Variants in RPRM observed in about 807,000 individuals in gnomAD.
RPRM encodes the protein reprimo, TP53 dependent G2 arrest mediator homolog.
RPRM carries 3 observed loss-of-function variants against 5.2 expected under a neutral mutation model. That is an observed-to-expected ratio of 0.58 (90% confidence interval 0.26 to 1.50). The LOEUF (loss-of-function observed/expected upper bound fraction) is 1.50. Among genes scored for constraint, RPRM ranks in the 40% most tolerant of loss-of-function variants. The pLI, the probability that RPRM is intolerant of heterozygous loss-of-function variation, is 0.13. For missense variants in RPRM, 135 were observed against 154.5 expected, an observed-to-expected ratio of 0.87 and a Z score of 0.67; for synonymous variants, 70 against 69.9, an observed-to-expected ratio of 1.00 and a Z score of -0.01.
chr2:153,478,067 C>CT lies in RPRM; in HGVS notation c.*168dup. 1 of 624,190 alleles carries CT rather than the reference C, an allele frequency of 1.6e-6. No homozygotes were observed. The highest frequency in any genetic ancestry group is 2.8e-6 in the Non-Finnish European group (1 of 360,432). 38.7% of individuals were successfully genotyped at this position (624,190 alleles called of 1,614,324 possible). A position where few individuals can be genotyped will look rare whatever the true frequency, so the allele number is the denominator to read the frequency against. The stretch of plus-strand genomic sequence containing the variant: ...CTCCTCCGACTGCCAGGCATGAGGA[C>CT]TTTCAGAGGGCGAGGGAGAAACCGG... On this transcript the variant is annotated 3_prime_UTR_variant, in exon 1 of 1. Transcript: ENST00000325926.
chr2:153,478,526 G>A lies in RPRM; in HGVS notation c.40C>T (p.Leu14=), dbSNP rs1047530367. ...GCCTCGCTGCTGTTGGCCAGGAACA[G>A]GCCCGCCACGTCCGTCTGGTTGCCT... The part of the protein sequence containing the change: ...ALGNQTDVAG[L]FLANSSEALE... The change falls in exon 1 of 1, where the codon CTG becomes TTG. Residue 14 remains leucine (L), a synonymous_variant. Coordinates refer to ENST00000325926, the MANE Select transcript of RPRM (RefSeq NM_019845.3). 3 of 1,603,630 alleles carry A rather than the reference G, an allele frequency of 1.9e-6. No individual in the cohort carries two copies. The highest frequency in any genetic ancestry group is 2.7e-5 in the African/African-American group (2 of 74,730).
Position 153,478,464 on chromosome 2 carries a change from G to C in RPRM, c.102C>G (p.Ser34=). ...ERAVRCCTQA[S]VVTDDGFAEG... ...CCGCGAAGCCGTCGTCGGTCACCAC[G>C]GACGCCTGGGTGCAGCAGCGCACGG... is the stretch of plus-strand genomic sequence containing the variant. The change falls in exon 1 of 1, where the codon TCC becomes TCG. Residue 34 remains serine, a synonymous_variant. Coordinates refer to ENST00000325926, the MANE Select transcript of RPRM (RefSeq NM_019845.3). The C allele has an allele frequency of 1.9e-6, 3 of 1,613,580 alleles. No individual in the cohort carries two copies. The highest frequency in any genetic ancestry group is 2.2e-5 in the South Asian group (2 of 91,078).
Position 153,478,618 on chromosome 2 carries a change from G to A in RPRM, c.-53C>T. 1 of 1,415,406 alleles carries A rather than the reference G, an allele frequency of 7.1e-7. No homozygotes were observed. Among genetic ancestry groups the A allele is most frequent in the Non-Finnish European group, 9.4e-7 (1 of 1,059,442 alleles). 87.7% of individuals were successfully genotyped at this position (1,415,406 alleles called of 1,614,324 possible). ...GCGCGGGTCCGAGGGGTGGGAAGGCGGCGGCGCTGGAGGAACAGGTGCCGG... is the reference window on the plus strand; with the variant it reads ...GCGCGGGTCCGAGGGGTGGGAAGGCAGCGGCGCTGGAGGAACAGGTGCCGG... On this transcript the variant is annotated 5_prime_UTR_variant, in exon 1 of 1. Coordinates refer to ENST00000325926, the MANE Select transcript of RPRM (RefSeq NM_019845.3).
chr2:153,478,528 C>G lies in RPRM; in HGVS notation c.38G>C (p.Gly13Ala), dbSNP rs773687192. The G allele has an allele frequency of 2.5e-6, 4 of 1,604,618 alleles. No homozygotes were observed. The Admixed American group carries it at 6.7e-5, about 27-fold the overall frequency. ...PALGNQTDVA[G>A]LFLANSSEAL... ...CTCGCTGCTGTTGGCCAGGAACAGG[C>G]CCGCCACGTCCGTCTGGTTGCCTAG... Residue 13 changes from glycine (G) to alanine (A), a missense_variant, in exon 1 of 1, where the codon GGC becomes GCC. Gly to Ala is a moderately conservative substitution (Grantham distance 60). Coordinates refer to ENST00000325926, the MANE Select transcript of RPRM (RefSeq NM_019845.3).
chr2:153,478,073 G>C lies in RPRM; in HGVS notation c.*163C>G. 1.6e-6 allele frequency: 1 copy of C among 630,538 alleles called. No homozygotes were observed. Among genetic ancestry groups the C allele is most frequent in the South Asian group, 2.0e-5 (1 of 49,922 alleles). The allele number at this position is 630,538 out of a possible 1,614,324, so 39.1% of individuals were successfully genotyped here. The stretch of plus-strand genomic sequence containing the variant: ...CGACTGCCAGGCATGAGGACTTTCA[G>C]AGGGCGAGGGAGAAACCGGTCGCTT... On this transcript the variant is annotated 3_prime_UTR_variant, in exon 1 of 1. Coordinates refer to ENST00000325926, the MANE Select transcript of RPRM (RefSeq NM_019845.3).
rs1684192241 is a variant in RPRM, at chr2:153,478,463, C to A, written c.103G>T (p.Val35Leu). 6.2e-7 allele frequency: 1 copy of A among 1,613,552 alleles called. No homozygotes were observed. Among genetic ancestry groups the A allele is most frequent in the Non-Finnish European group, 8.5e-7 (1 of 1,179,970 alleles). ...TCCGCGAAGCCGTCGTCGGTCACCACGGACGCCTGGGTGCAGCAGCGCACG... is the reference window on the plus strand; with the variant it reads ...TCCGCGAAGCCGTCGTCGGTCACCAAGGACGCCTGGGTGCAGCAGCGCACG... ...RAVRCCTQASVVTDDGFAEGG... is the reference protein window; with the variant it reads ...RAVRCCTQASLVTDDGFAEGG... The change falls in exon 1 of 1, where the codon GTG (valine) becomes TTG (leucine). Residue 35 changes from valine to leucine, a missense_variant. Val to Leu is a conservative substitution (Grantham distance 32). Transcript: ENST00000325926.
In RPRM at chr2:153,478,120, A is replaced by C; in HGVS notation, c.*116T>G. Reference sequence around the variant, plus strand: ...GCTTCTTTCCGAAAGGCCGAAGTCGAGAGAAATAATTGACTCCGACAGGTT... The same window carrying C: ...GCTTCTTTCCGAAAGGCCGAAGTCGCGAGAAATAATTGACTCCGACAGGTT... On this transcript the variant is annotated 3_prime_UTR_variant, in exon 1 of 1. Coordinates refer to ENST00000325926, the MANE Select transcript of RPRM (RefSeq NM_019845.3). 2 of 778,582 alleles carry C rather than the reference A, an allele frequency of 2.6e-6. No homozygotes were observed. Among genetic ancestry groups the C allele is most frequent in the Non-Finnish European group, 2.0e-6 (1 of 496,502 alleles). 48.2% of individuals were successfully genotyped at this position (778,582 alleles called of 1,614,324 possible). A position where few individuals can be genotyped will look rare whatever the true frequency, so the allele number is the denominator to read the frequency against.
chr2:153,477,952 C>G lies in RPRM; in HGVS notation c.*284G>C. 1.1e-5 allele frequency: 5 copies of G among 461,506 alleles called. No homozygotes were observed. In the South Asian group the frequency reaches 1.3e-4, roughly 12 times the overall value. 28.6% of individuals were successfully genotyped at this position (461,506 alleles called of 1,614,324 possible). ...AAGGGCCTTCGCACCGTCGGTCTCC[C>G]CGCATTCCAAGTAAGTAGCAGCTTC... On this transcript the variant is annotated 3_prime_UTR_variant, in exon 1 of 1. Coordinates refer to ENST00000325926, the MANE Select transcript of RPRM (RefSeq NM_019845.3).
Position 153,478,539 on chromosome 2 carries a change from C to T in RPRM, c.27G>A (p.Thr9=), listed in dbSNP as rs1289032063. 1 of 1,602,804 alleles carries T rather than the reference C, an allele frequency of 6.2e-7. No homozygotes were observed. The highest frequency in any genetic ancestry group is 8.5e-7 in the Non-Finnish European group (1 of 1,172,848). Residue 9 remains threonine (T), a synonymous_variant, in exon 1 of 1, where the codon ACG becomes ACA. Transcript: ENST00000325926. MNPALGNQ[T]DVAGLFLANS... ...TGGCCAGGAACAGGCCCGCCACGTC[C>T]GTCTGGTTGCCTAGGGCCGGATTCA...
chr2:153,478,062 G>T lies in RPRM; in HGVS notation c.*174C>A. On this transcript the variant is annotated 3_prime_UTR_variant, in exon 1 of 1. Transcript: ENST00000325926. ...GCGCTCTCCTCCGACTGCCAGGCAT[G>T]AGGACTTTCAGAGGGCGAGGGAGAA... 1.6e-6 allele frequency: 1 copy of T among 612,350 alleles called. No homozygotes were observed. The highest frequency in any genetic ancestry group is 2.9e-6 in the Non-Finnish European group (1 of 350,306). 37.9% of individuals were successfully genotyped at this position (612,350 alleles called of 1,614,324 possible). A position where few individuals can be genotyped will look rare whatever the true frequency, so the allele number is the denominator to read the frequency against.
At position 153,478,038 on chromosome 2, in the gene RPRM, C is replaced by T. The variant is rs994656133; in HGVS notation, c.*198G>A. On this transcript the variant is annotated 3_prime_UTR_variant, in exon 1 of 1. Coordinates refer to ENST00000325926, the MANE Select transcript of RPRM (RefSeq NM_019845.3). ...CTTTCTGCTGAGTTCAGAGTCTGGG[C>T]GCTCTCCTCCGACTGCCAGGCATGA... 10 of 590,330 alleles carry T rather than the reference C, an allele frequency of 1.7e-5. 1 individual carries two copies. Among genetic ancestry groups the T allele is most frequent in the South Asian group, 6.3e-5 (3 of 47,352 alleles). The allele number at this position is 590,330 out of a possible 1,614,324, so 36.6% of individuals were successfully genotyped here.
Sources: allele counts gnomAD v4.1 joint callset, GRCh38; gene constraint gnomAD v4.1.1; transcripts MANE v1.5; gene names NCBI Gene and HGNC (gene_info 2026-07-23, HGNC 2026-07-21).